CSMD3: variants seen among roughly 807,000 people sequenced by gnomAD.
CSMD3 encodes the protein CUB and Sushi multiple domains 3, also known as CUB and sushi domain-containing protein 3.
In CSMD3, 177 loss-of-function variants were observed where a neutral mutation model predicts 435.2. The observed-to-expected ratio is 0.41, with a 90% CI of 0.36 to 0.46. CSMD3 has a LOEUF of 0.46. Among genes scored for constraint, CSMD3 ranks in the 20% least tolerant of loss-of-function variants. The pLI is 0.34. For synonymous variants in CSMD3, 1,656 were observed against 1,520.5 expected (o/e 1.09, Z -2.07); for missense variants, 4,265 against 4,504.6 (o/e 0.95, Z 1.52).
Position 112,337,565 on chromosome 8 carries a change from A to C in CSMD3, c.6819T>G (p.Asn2273Lys). ...TCLHGVSRNW[N>K]HPLPRCEALC... ...TACCTTCACACCTTGGAAGTGGATGATTCCAATTACGACTGACTCCGTGAA... is the reference window on the plus strand; with the variant it reads ...TACCTTCACACCTTGGAAGTGGATGCTTCCAATTACGACTGACTCCGTGAA... Residue 2273 changes from asparagine (N) to lysine (K), a missense_variant, in exon 43 of 71, where the codon AAT becomes AAG. By Grantham distance (94) the Asn-to-Lys change is moderately conservative (BLOSUM62 0). Transcript: ENST00000297405. The C allele has an allele frequency of 6.2e-7, 1 of 1,613,650 alleles. No individual in the cohort carries two copies. The highest frequency in any genetic ancestry group is 8.5e-7 in the Non-Finnish European group (1 of 1,179,550).
chr8:112,541,947 C>T (rs1826703702), intron 27 of CSMD3, among the ~76,000 whole-genome samples: 1 of 151,830 alleles, frequency 6.6e-6, no homozygotes, highest in African/African-American at 2.4e-5. Context: ...CACACAATGT[C>T]CAAGTCGGAT....
At position 113,347,730 on chromosome 8, in the gene CSMD3, G is replaced by T. The variant is rs116480694; in HGVS notation, c.179-32937C>A. On this transcript the variant is annotated intron_variant, in intron 1 of 70. Coordinates refer to ENST00000297405, the MANE Select transcript of CSMD3 (RefSeq NM_198123.2). ...TCCAGCTCCCACCTGCTGACAGACG[G>T]CTGCTAGCAAGAAGATATATTTGAG... is the stretch of plus-strand genomic sequence containing the variant. 4.4e-3 allele frequency among the ~76,000 whole-genome samples: 671 copies of T among 152,204 alleles called. 6 individuals are homozygous for T. The highest frequency in any genetic ancestry group is 0.015 in the African/African-American group (636 of 41,542).
intron 1 of CSMD3, among the ~76,000 whole-genome samples, chr8:113,428,031 T>C (rs1181052020): frequency 1.3e-5 from 2 of 151,736 alleles, no homozygotes; most frequent in African/African-American, 2.4e-5. Context: ...TATAGTGTCA[T>C]ATTTAACATA....
chr8:112,586,990 A>G, intron 23 of CSMD3, 76 bp downstream of exon 23: 1 of 952,142 alleles, frequency 1.1e-6, no homozygotes, highest in South Asian at 1.4e-5. Flanking sequence ...ATATATATAG[A>G]TGTATATATT....
At chr8:113,027,942 T>C (rs1035092781) in intron 5 of CSMD3, among the ~76,000 whole-genome samples, 2 of 152,134 alleles carry the variant, frequency 1.3e-5, no homozygotes, top group Non-Finnish European at 1.5e-5. Flanking sequence ...CAAATTTTAA[T>C]CAAGATTAAA....
chr8:113,243,730 C>T (rs1463401977), intron 3 of CSMD3, among the ~76,000 whole-genome samples: 3 of 152,068 alleles, frequency 2.0e-5, no homozygotes, highest in African/African-American at 7.2e-5. Flanking sequence ...TATCCATAAG[C>T]AATGCACAAG....
At chr8:112,937,234 A>G (rs1429947175) in intron 9 of CSMD3, among the ~76,000 whole-genome samples, 1 of 151,466 alleles carries the variant, frequency 6.6e-6, no homozygotes. Flanking sequence ...CTTGAAATAT[A>G]TTTTTTTTGT....
chr8:113,277,130 C>A (rs1035989929), intron 3 of CSMD3, among the ~76,000 whole-genome samples: 5 of 151,858 alleles, frequency 3.3e-5, no homozygotes, highest in African/African-American at 4.8e-5. Context: ...TTATTAAGAG[C>A]GCTTAGCACA....
rs1252386363 is a variant in CSMD3, at chr8:112,573,630, G to A, written c.3913C>T (p.His1305Tyr). 6.2e-7 allele frequency: 1 copy of A among 1,612,562 alleles called. No individual in the cohort carries two copies. The highest frequency in any genetic ancestry group is 1.7e-5 in the Admixed American group (1 of 59,964). Residue 1305 changes from histidine (H) to tyrosine (Y), a missense_variant, in exon 24 of 71, where the codon CAT (histidine) becomes TAT (tyrosine). By Grantham distance (83) the His-to-Tyr change is moderately conservative. This residue lies in a region of CSMD3 where 3,255 missense variants were observed against 3,380.2 expected (regional missense o/e 0.96). Transcript: ENST00000297405. Reference sequence around the variant, plus strand: ...GCACCAGTAAAAGCACCTAGTAGATGAGTCGTTTTATCTTTTCCATCATAA... The same window carrying A: ...GCACCAGTAAAAGCACCTAGTAGATAAGTCGTTTTATCTTTTCCATCATAA... The part of the protein sequence containing the change: ...KIYDGKDKTT[H>Y]LLGAFTGASM...
At chr8:112,235,442 C>T (rs995656368) in intron 67 of CSMD3, among the ~76,000 whole-genome samples, 3 of 151,832 alleles carry the variant, frequency 2.0e-5, no homozygotes, top group African/African-American at 7.3e-5. Flanking sequence ...CAAAAAACAG[C>T]ATTTGAACTG....
intron 3 of CSMD3, among the ~76,000 whole-genome samples, chr8:113,276,725 T>C (rs1588426976): frequency 6.6e-6 from 1 of 152,092 alleles, no homozygotes; most frequent in African/African-American, 2.4e-5. Context: ...TATTTTAAGA[T>C]GTTAAATTGA....
chr8:112,674,780 T>A (rs1297659499), intron 16 of CSMD3, among the ~76,000 whole-genome samples: 34 of 152,112 alleles, frequency 2.2e-4, no homozygotes, highest in Admixed American at 1.9e-3. Context: ...CACACAAACA[T>A]CTCCATTCTC....
intron 2 of CSMD3, chr8:113,310,685 G>A (rs913958330): frequency 6.6e-6 from 1 of 151,742 alleles, no homozygotes; most frequent in African/African-American, 2.4e-5. Context: ...TTTTCTAGTT[G>A]TAATAATATT....
At chr8:113,054,895 T>C (rs553471786) in intron 5 of CSMD3, among the ~76,000 whole-genome samples, 2 of 152,280 alleles carry the variant, frequency 1.3e-5, no homozygotes, top group African/African-American at 4.8e-5. Flanking sequence ...CACTGTGCCC[T>C]AGATGTCTGT....
At chr8:112,870,799 C>T (rs2081114468) in intron 10 of CSMD3, among the ~76,000 whole-genome samples, 1 of 151,798 alleles carries the variant, frequency 6.6e-6, no homozygotes, top group African/African-American at 2.4e-5. Flanking sequence ...AAAGTCGTTG[C>T]CCTAGAGAGA....
intron 2 of CSMD3, among the ~76,000 whole-genome samples, chr8:113,291,192 A>T (rs2093683982): frequency 6.6e-6 from 1 of 151,686 alleles, no homozygotes; most frequent in Non-Finnish European, 1.5e-5. Flanking sequence ...TGGAAATATG[A>T]CTTGAAGTTG....
chr8:113,112,420 TATATATATATATATATATATATATATATG>T (rs2090676875), intron 4 of CSMD3, among the ~76,000 whole-genome samples: 1 of 22,592 alleles, frequency 4.4e-5, no homozygotes, highest in South Asian at 1.6e-3. Flanking sequence ...TATATATATA[TATATATATATATATATATATATATATATG>T]TATATACACA....
At position 112,499,384 on chromosome 8, in the gene CSMD3, T is replaced by A. The variant is rs1045987947; in HGVS notation, c.5083+4406A>T. Among the ~76,000 whole-genome samples the A allele has an allele frequency of 3.9e-5, 6 of 152,096 alleles. No homozygotes were observed. In the East Asian group the frequency reaches 1.2e-3, roughly 29 times the overall value. The stretch of plus-strand genomic sequence containing the variant: ...AGTAGATTTTACCCAACTATTTCAA[T>A]AATTGCTAGACCGAGCAGGTCAAAA... On this transcript the variant is annotated intron_variant, in intron 30 of 70. Transcript: ENST00000297405.
intron 11 of CSMD3, among the ~76,000 whole-genome samples, chr8:112,838,236 T>A (rs1459042662): frequency 6.6e-6 from 1 of 151,732 alleles, no homozygotes; most frequent in East Asian, 1.9e-4. Flanking sequence ...GAAAAAAATA[T>A]TATTTTTGTT....
Sources: allele counts gnomAD v4.1 joint callset (sites outside exome capture counted in the v4.1 genomes callset), GRCh38; gene constraint gnomAD v4.1.1; regional missense constraint gnomAD v4.1.1; transcripts MANE v1.5; gene names NCBI Gene and HGNC (gene_info 2026-07-23, HGNC 2026-07-21).